CALN1: variants seen among roughly 807,000 people sequenced by gnomAD.
CALN1 encodes the protein calneuron 1.
CALN1 carries 17 observed loss-of-function variants against 30.6 expected under a neutral mutation model. The ratio of observed to expected loss-of-function variants is 0.56; its 90% CI spans 0.38 to 0.83. The LOEUF is 0.83. Ranked by LOEUF, CALN1 falls within the 40% of genes least tolerant of loss-of-function variation. CALN1 has a pLI of 0.00. For synonymous variants in CALN1, 156 were observed against 131.4 expected (o/e 1.19, Z -1.28); for missense variants, 291 against 354.9 (o/e 0.82, Z 1.45).
At chr7:71,859,677 G>A (rs1039605172) in intron 5 of CALN1, among the ~76,000 whole-genome samples, 1 of 152,196 alleles carries the variant, frequency 6.6e-6, no homozygotes, top group Non-Finnish European at 1.5e-5. Context: ...ATTAGAAGTT[G>A]CCCTTCCTGG....
intron 2 of CALN1, among the ~76,000 whole-genome samples, chr7:72,378,110 A>G (rs1311663996): frequency 6.6e-6 from 1 of 152,180 alleles, no homozygotes; most frequent in African/African-American, 2.4e-5. Context: ...GTTTTCAACT[A>G]ACAACCCCTG....
chr7:72,119,559 T>A (rs1031346495), intron 3 of CALN1, among the ~76,000 whole-genome samples: 4 of 151,890 alleles, frequency 2.6e-5, no homozygotes, highest in African/African-American at 9.7e-5. Flanking sequence ...GATATTGTAT[T>A]AGTCTGTTTT....
At chr7:72,060,322 C>A (rs1196659969) in intron 4 of CALN1, among the ~76,000 whole-genome samples, 1 of 152,082 alleles carries the variant, frequency 6.6e-6, no homozygotes, top group East Asian at 1.9e-4. Flanking sequence ...TCTCTTGTAG[C>A]TTGGATCAGG....
intron 3 of CALN1, among the ~76,000 whole-genome samples, chr7:72,262,183 A>T (rs1024529558): frequency 6.6e-6 from 1 of 152,174 alleles, no homozygotes; most frequent in East Asian, 1.9e-4. Context: ...TACCCAAGGA[A>T]TAAGTATTAT....
chr7:72,087,404 C>T (rs1288126738), intron 4 of CALN1, among the ~76,000 whole-genome samples: 6 of 152,136 alleles, frequency 3.9e-5, no homozygotes, highest in Admixed American at 3.9e-4. Context: ...CGCTGGTGTG[C>T]TCCTATAATC....
chr7:72,271,643 C>T (rs1391426299), intron 3 of CALN1, among the ~76,000 whole-genome samples: 1 of 141,246 alleles, frequency 7.1e-6, no homozygotes, highest in Non-Finnish European at 1.5e-5. Flanking sequence ...GCAGAGATGA[C>T]AAATATGTAG....
intron 3 of CALN1, among the ~76,000 whole-genome samples, chr7:72,202,527 G>C (rs12671130): frequency 6.6e-6 from 1 of 152,170 alleles, no homozygotes; most frequent in Non-Finnish European, 1.5e-5. Context: ...CTGGATCTGA[G>C]AAAAGTACTT....
At chr7:72,261,905 A>C (rs2129552842) in intron 3 of CALN1, among the ~76,000 whole-genome samples, 1 of 152,360 alleles carries the variant, frequency 6.6e-6, no homozygotes, top group South Asian at 2.1e-4. Context: ...GGAAACCGCA[A>C]GAGGAGTGAG....
At chr7:72,245,123 A>G (rs1027226763) in intron 3 of CALN1, among the ~76,000 whole-genome samples, 4 of 152,204 alleles carry the variant, frequency 2.6e-5, no homozygotes, top group African/African-American at 7.2e-5. Flanking sequence ...CGTAGACAGA[A>G]CAATCCCCGC....
intron 1 of CALN1, among the ~76,000 whole-genome samples, chr7:72,446,243 A>T (rs1808522930): frequency 6.6e-6 from 1 of 152,220 alleles, no homozygotes; most frequent in Non-Finnish European, 1.5e-5. Flanking sequence ...GGTCAAAAAC[A>T]AATCAATGAA....
At chr7:72,489,547 C>T in the CALN1 span, among the ~76,000 whole-genome samples, 2 of 97,370 alleles carry the variant, frequency 2.1e-5, no homozygotes, top group African/African-American at 5.7e-5. Context: ...CAGCTGGAAC[C>T]GCAGAACTCA....
chr7:72,485,355 TTAA>T, the CALN1 span, among the ~76,000 whole-genome samples: 1 of 152,070 alleles, frequency 6.6e-6, no homozygotes, highest in Non-Finnish European at 1.5e-5. Flanking sequence ...GCCCAAGTGT[TTAA>T]GATCAGCCTG....
At chr7:71,988,057 A>C (rs147368043) in intron 5 of CALN1, among the ~76,000 whole-genome samples, 1 of 151,762 alleles carries the variant, frequency 6.6e-6, no homozygotes, top group Admixed American at 6.5e-5. Context: ...CTGCAGCAAG[A>C]GACAATGTCT....
At chr7:71,847,700 A>C (rs117542047) in intron 5 of CALN1, among the ~76,000 whole-genome samples, 5,750 of 116,162 alleles carry the variant, frequency 0.049, 155 homozygotes, top group Non-Finnish European at 0.064. Context: ...AGGAGGAAGA[A>C]GAAAGAAGAA....
At chr7:72,215,278 C>T (rs887158646) in intron 3 of CALN1, among the ~76,000 whole-genome samples, 2 of 152,122 alleles carry the variant, frequency 1.3e-5, no homozygotes, top group African/African-American at 4.8e-5. Flanking sequence ...AAACTTGCCT[C>T]ACCACCTCTG....
chr7:72,405,606 T>C (rs1750313769), intron 1 of CALN1, among the ~76,000 whole-genome samples: 1 of 151,816 alleles, frequency 6.6e-6, no homozygotes, highest in Admixed American at 6.6e-5. Flanking sequence ...TCACACACAC[T>C]ACAACGCCCA....
chr7:72,177,974 G>A (rs1247882281), intron 3 of CALN1, among the ~76,000 whole-genome samples: 1 of 152,120 alleles, frequency 6.6e-6, no homozygotes, highest in Admixed American at 6.6e-5. Flanking sequence ...AAGTGCTCTT[G>A]CTCAAAGAGC....
chr7:72,193,980 A>G (rs1311645927), intron 3 of CALN1, among the ~76,000 whole-genome samples: 1 of 152,170 alleles, frequency 6.6e-6, no homozygotes, highest in African/African-American at 2.4e-5. Context: ...GGGGTGAGAG[A>G]TAAGACTACA....
At chr7:71,790,139 GAAAGAAAGAAGAAAGAGAAAGAA>G (rs1256924450) in intron 6 of CALN1, among the ~76,000 whole-genome samples, 1 of 96,116 alleles carries the variant, frequency 1.0e-5, no homozygotes, top group Non-Finnish European at 2.1e-5. Context: ...GAAGAAAGAA[GAAAGAAAGAAGAAAGAGAAAGAA>G]AAAGAAAAAG....
Sources: gnomAD v4.1 joint callset for allele counts (sites outside exome capture counted in the v4.1 genomes callset) on GRCh38, gnomAD v4.1.1 for gene constraint, MANE v1.5 for transcripts, NCBI Gene and HGNC (gene_info 2026-07-23, HGNC 2026-07-21) for gene names.